The following PRKD3 variants were observed in gnomAD, a reference collection of about 807,000 sequenced individuals.
PRKD3 encodes the protein serine/threonine-protein kinase D3.
PRKD3 carries 47 observed loss-of-function variants against 99.2 expected under a neutral mutation model. The ratio of observed to expected loss-of-function variants is 0.47; its 90% CI spans 0.38 to 0.60. The LOEUF is 0.60. Among genes scored for constraint, PRKD3 ranks in the 20% least tolerant of loss-of-function variants. The probability of loss-of-function intolerance (pLI) is 0.00; values close to 1 mark genes in which losing one functional copy is unlikely to be tolerated. For synonymous variants in PRKD3, 392 were observed against 355.4 expected (o/e 1.10, Z -1.16); for missense variants, 1,019 against 1,088.4 (o/e 0.94, Z 0.90).
At chr2:37,253,985 G>T (rs1366576723) in intron 18 of PRKD3, among the ~76,000 whole-genome samples, 1 of 152,168 alleles carries the variant, frequency 6.6e-6, no homozygotes, top group Non-Finnish European at 1.5e-5. Flanking sequence ...ATAGGTCTAT[G>T]AAAGGCTAAG....
chr2:37,311,309 G>T (rs1314212632), intron 2 of PRKD3, among the ~76,000 whole-genome samples: 2 of 152,088 alleles, frequency 1.3e-5, no homozygotes, highest in Non-Finnish European at 2.9e-5. Context: ...TTATCATATT[G>T]TACCTTTATT....
At chr2:37,297,893 C>A (rs772995830) in intron 2 of PRKD3, among the ~76,000 whole-genome samples, 9 of 152,164 alleles carry the variant, frequency 5.9e-5, no homozygotes, top group African/African-American at 1.2e-4. Flanking sequence ...ACTCTCCCCC[C>A]ACCCTTTTCT....
At chr2:37,287,078 A>C (rs1338622914) in intron 5 of PRKD3, among the ~76,000 whole-genome samples, 1 of 151,620 alleles carries the variant, frequency 6.6e-6, no homozygotes, top group East Asian at 1.9e-4. Flanking sequence ...TAAAAATACA[A>C]AATTAGCCAG....
chr2:37,272,357 C>G (rs1258085093), intron 12 of PRKD3, 23 bp downstream of exon 12: 1 of 1,598,492 alleles, frequency 6.3e-7, no homozygotes, highest in Non-Finnish European at 8.5e-7. Flanking sequence ...CCAGTTTACA[C>G]ATTAGCTATA....
intron 2 of PRKD3, among the ~76,000 whole-genome samples, chr2:37,314,272 G>A (rs374611288): frequency 1.3e-5 from 2 of 152,198 alleles, no homozygotes; most frequent in African/African-American, 4.8e-5. Flanking sequence ...TGATTCCCCT[G>A]CAAGAGTCAT....
intron 2 of PRKD3, among the ~76,000 whole-genome samples, chr2:37,297,408 C>G (rs1670720655): frequency 6.6e-6 from 1 of 152,070 alleles, no homozygotes; most frequent in Admixed American, 6.5e-5. Context: ...TATACTACCC[C>G]ATACCCAGTT....
chr2:37,261,646 G>A (rs1382007325), intron 14 of PRKD3, among the ~76,000 whole-genome samples: 1 of 152,002 alleles, frequency 6.6e-6, no homozygotes, highest in Non-Finnish European at 1.5e-5. Flanking sequence ...CGGGTGTGGT[G>A]GCGCAAGCCT....
intron 2 of PRKD3, among the ~76,000 whole-genome samples, chr2:37,296,666 G>A (rs1034861144): frequency 2.0e-5 from 3 of 151,952 alleles, no homozygotes; most frequent in East Asian, 1.9e-4. Flanking sequence ...GGGAGGCCGC[G>A]GCGGGAAGAT....
intron 2 of PRKD3, among the ~76,000 whole-genome samples, chr2:37,294,909 T>C (rs1670606600): frequency 1.3e-5 from 2 of 152,170 alleles, no homozygotes; most frequent in African/African-American, 2.4e-5. Flanking sequence ...ACCCTGTCTC[T>C]GATAAAAATA....
Position 37,299,511 on chromosome 2 carries a change from TACACACACACACACACAC to T in PRKD3, c.289-6258_289-6241del, listed in dbSNP as rs70949749. On this transcript the variant is annotated intron_variant, in intron 2 of 18. Transcript: ENST00000234179. ...TGGTGAAACCCCACCTCTACTAAAA[TACACACACACACACACAC>T]ACACACACACACACACACACACACA... Among the ~76,000 whole-genome samples the T allele has an allele frequency of 3.0e-3, 401 of 132,372 alleles. No individual in the cohort carries two copies. The Middle Eastern group carries it at 0.044, about 14-fold the overall frequency. 86.8% of individuals were successfully genotyped at this position (132,372 alleles called of 152,430 possible).
At chr2:37,295,023 CA>C (rs1409430804) in intron 2 of PRKD3, among the ~76,000 whole-genome samples, 6 of 152,166 alleles carry the variant, frequency 3.9e-5, no homozygotes, top group Non-Finnish European at 8.8e-5. Context: ...TGCTGTGAGC[CA>C]AGATTGCACA....
chr2:37,312,668 G>A lies in PRKD3; in HGVS notation c.288+3569C>T, dbSNP rs539460699. On this transcript the variant is annotated intron_variant, in intron 2 of 18. Coordinates refer to ENST00000234179, the MANE Select transcript of PRKD3 (RefSeq NM_005813.6). ...CAAAAAGTTTATGATGTCCCTTATA[G>A]AGTAACTACACGTGTTCAATAACAT... Among the ~76,000 whole-genome samples, 46 of 152,286 alleles carry A rather than the reference G, an allele frequency of 3.0e-4. No individual in the cohort carries two copies. In the South Asian group the frequency reaches 9.1e-3, roughly 30 times the overall value.
chr2:37,285,246 T>C (rs536931295), intron 6 of PRKD3, among the ~76,000 whole-genome samples: 2 of 152,336 alleles, frequency 1.3e-5, no homozygotes, highest in African/African-American at 4.8e-5. Context: ...GTTTCTACTG[T>C]ACAGCATTGC....
chr2:37,264,741 G>T (rs532930824), intron 14 of PRKD3, among the ~76,000 whole-genome samples: 31 of 151,756 alleles, frequency 2.0e-4, no homozygotes, highest in South Asian at 2.1e-4. Flanking sequence ...GCTATTTTTG[G>T]GGGGGAAAAA....
chr2:37,316,138 C>A (rs895584395), intron 2 of PRKD3, 99 bp downstream of exon 2: 6 of 1,242,854 alleles, frequency 4.8e-6, no homozygotes, highest in Non-Finnish European at 6.8e-6. Flanking sequence ...GAATAAACTA[C>A]TGATGGATCA....
At chr2:37,324,193 C>G in intron 1 of PRKD3, 1 of 985,466 alleles carries the variant, frequency 1.0e-6, no homozygotes, top group South Asian at 4.7e-5. Context: ...GCACCATTTA[C>G]TCACCCCTTT....
intron 2 of PRKD3, among the ~76,000 whole-genome samples, chr2:37,298,154 G>A (rs975091243): frequency 6.6e-6 from 1 of 151,608 alleles, no homozygotes; most frequent in African/African-American, 2.4e-5. Flanking sequence ...ATTTATTTTT[G>A]AATAGGCAAT....
At chr2:37,300,202 A>C (rs1484226202) in intron 2 of PRKD3, among the ~76,000 whole-genome samples, 1 of 152,222 alleles carries the variant, frequency 6.6e-6, no homozygotes, top group African/African-American at 2.4e-5. Context: ...AAAAGAATGA[A>C]ATCCTATAAT....
At chr2:37,323,582 C>T (rs1671973764) in intron 1 of PRKD3, among the ~76,000 whole-genome samples, 1 of 151,994 alleles carries the variant, frequency 6.6e-6, no homozygotes, top group Admixed American at 6.6e-5. Context: ...GCCTAGATCT[C>T]AGTCGGGGGA....
Sources: gnomAD v4.1 joint callset for allele counts (sites outside exome capture counted in the v4.1 genomes callset) on GRCh38, gnomAD v4.1.1 for gene constraint, MANE v1.5 for transcripts, NCBI Gene and HGNC (gene_info 2026-07-23, HGNC 2026-07-21) for gene names.